The following SMARCAD1 variants were observed in gnomAD, a reference collection of about 807,000 sequenced individuals.
The protein encoded by SMARCAD1 is SNF2 related chromatin remodeling ATPase with DExD box 1, also known as SWI/SNF-related matrix-associated actin-dependent regulator of chromatin subfamily A containing DEAD/H box 1.
A neutral mutation model predicts 127.1 loss-of-function variants in SMARCAD1; 25 were observed. The ratio of observed to expected loss-of-function variants is 0.20; its 90% confidence interval spans 0.14 to 0.27. The LOEUF (loss-of-function observed/expected upper bound fraction) is 0.27. SMARCAD1 is among the 10% of genes least tolerant of loss of function. The pLI is 1.00. For missense variants in SMARCAD1, 807 were observed against 1,206.0 expected (o/e 0.67, Z 4.90); for synonymous variants, 400 against 396.9 (o/e 1.01, Z -0.09).
intron 23 of SMARCAD1, among the ~76,000 whole-genome samples, chr4:94,286,592 G>A (rs911754046): frequency 2.6e-5 from 4 of 152,102 alleles, no homozygotes; most frequent in African/African-American, 9.7e-5. Context: ...TCTGTCTGCT[G>A]TTGTCTTTTT....
At chr4:94,259,220 A>T (rs1469879861) in intron 9 of SMARCAD1, among the ~76,000 whole-genome samples, 3 of 152,206 alleles carry the variant, frequency 2.0e-5, no homozygotes, top group African/African-American at 7.2e-5. Flanking sequence ...GAAGCAACAG[A>T]GTTAGAAGAA....
chr4:94,243,116 T>C (rs1747850428), intron 6 of SMARCAD1, among the ~76,000 whole-genome samples: 1 of 152,056 alleles, frequency 6.6e-6, no homozygotes, highest in Non-Finnish European at 1.5e-5. Flanking sequence ...GCCACCATGC[T>C]CAGTTAATTT....
intron 9 of SMARCAD1, chr4:94,253,693 AT>A (rs1427688449): frequency 1.0e-6 from 1 of 995,132 alleles, no homozygotes; most frequent in Non-Finnish European, 1.2e-6. Flanking sequence ...TTGCATGATC[AT>A]TTTCTGGAAT....
In SMARCAD1 at chr4:94,289,737, A is replaced by C. The variant is rs1198258005; in HGVS notation, c.*203A>C. The C allele has an allele frequency of 6.0e-6, 4 of 671,538 alleles. No individual in the cohort carries two copies. The highest frequency in any genetic ancestry group is 1.8e-5 in the African/African-American group (1 of 56,286). 41.6% of individuals were successfully genotyped at this position (671,538 alleles called of 1,614,324 possible). On this transcript the variant is annotated 3_prime_UTR_variant, in exon 24 of 24. Transcript: ENST00000354268. Reference sequence around the variant, plus strand: ...CGTGAAATTTCAAAAAAGAAGCCACAAATATGTAGTTCTGAAGATGTTGAA... The same window carrying C: ...CGTGAAATTTCAAAAAAGAAGCCACCAATATGTAGTTCTGAAGATGTTGAA...
At chr4:94,276,823 C>G (rs1168601298) in intron 15 of SMARCAD1, among the ~76,000 whole-genome samples, 199 bp from the exon 16 acceptor site, 1 of 152,022 alleles carries the variant, frequency 6.6e-6, no homozygotes, top group Admixed American at 6.5e-5. Flanking sequence ...AAAAGAAGAC[C>G]AATGGTTTTC....
At chr4:94,274,097 G>T (rs1752931643) in intron 12 of SMARCAD1, among the ~76,000 whole-genome samples, 1 of 152,162 alleles carries the variant, frequency 6.6e-6, no homozygotes, top group African/African-American at 2.4e-5. Flanking sequence ...TTCGTTGGAT[G>T]TAGAAGTTAG....
chr4:94,282,169 G>A lies in SMARCAD1; in HGVS notation c.2726+579G>A, dbSNP rs1459422670. Among the ~76,000 whole-genome samples the A allele has an allele frequency of 3.3e-5, 2 of 59,838 alleles. 1 individual carries two copies. Among genetic ancestry groups the A allele is most frequent in the African/African-American group, 1.0e-4 (2 of 19,466 alleles). The allele number at this position is 59,838 out of a possible 152,430, so 39.3% of individuals were successfully genotyped here. A position where few individuals can be genotyped will look rare whatever the true frequency, so the allele number is the denominator to read the frequency against. Reference sequence around the variant, plus strand: ...GGCTGGAGTGCAGTGGCGCGATCTCGGCTCACTGCAAGCTCCGCCTCCTGG... The same window carrying A: ...GGCTGGAGTGCAGTGGCGCGATCTCAGCTCACTGCAAGCTCCGCCTCCTGG... On this transcript the variant is annotated intron_variant, in intron 21 of 23. Coordinates refer to ENST00000354268, the MANE Select transcript of SMARCAD1 (RefSeq NM_020159.5).
At chr4:94,260,375 G>T (rs183407029) in intron 9 of SMARCAD1, among the ~76,000 whole-genome samples, 1 of 151,704 alleles carries the variant, frequency 6.6e-6, no homozygotes, top group Non-Finnish European at 1.5e-5. Context: ...ACAGTCTCTC[G>T]CTCTGTCACT....
At position 94,266,764 on chromosome 4, in the gene SMARCAD1, C is replaced by T. The variant is rs546543117; in HGVS notation, c.1481+1858C>T. 2.2e-4 allele frequency among the ~76,000 whole-genome samples: 34 copies of T among 151,988 alleles called. 1 individual carries two copies. The highest frequency in any genetic ancestry group is 2.2e-3 in the Admixed American group (33 of 15,248). On this transcript the variant is annotated intron_variant, in intron 10 of 23. Transcript: ENST00000354268. ...TCTAAACAGAACAAGTTCTTCATGA[C>T]GAAGTTTACTTTGCTACAAACTGTT...
chr4:94,254,429 TAAATACTTGCCCG>T (rs1374814889), intron 9 of SMARCAD1, among the ~76,000 whole-genome samples: 2 of 152,300 alleles, frequency 1.3e-5, no homozygotes, highest in East Asian at 3.9e-4. Flanking sequence ...TTAGTTGCTG[TAAATACTTGCCCG>T]AATATCTTAT....
At position 94,208,074 on chromosome 4, in the gene SMARCAD1, A is replaced by T. The variant is rs1288916649; in HGVS notation, c.-50+4A>T. 4 of 504,816 alleles carry T rather than the reference A, an allele frequency of 7.9e-6. No individual in the cohort carries two copies. The highest frequency in any genetic ancestry group is 1.5e-5 in the Non-Finnish European group (4 of 260,952). The allele number at this position is 504,816 out of a possible 1,614,324, so 31.3% of individuals were successfully genotyped here. ...GAACGTGCCTGCGCGTGCTTGGGTA[A>T]GAGGAGGTTGCATGAGGGTCAGCTC... On this transcript the variant is annotated splice_donor_region_variant and intron_variant, in intron 1 of 23. Transcript: ENST00000354268.
At chr4:94,248,910 T>C (rs1162729924) in intron 6 of SMARCAD1, among the ~76,000 whole-genome samples, 2 of 152,194 alleles carry the variant, frequency 1.3e-5, no homozygotes, top group African/African-American at 4.8e-5. Flanking sequence ...TTTCTCCATC[T>C]TGTGTGTATA....
At position 94,228,562 on chromosome 4, in the gene SMARCAD1, A is replaced by G. The variant is rs546991518; in HGVS notation, c.368+2266A>G. On this transcript the variant is annotated intron_variant, in intron 3 of 23. Coordinates refer to ENST00000354268, the MANE Select transcript of SMARCAD1 (RefSeq NM_020159.5). ...TAGAGCATTGCTACTCAAAATACTGATTTATAAATAAGGAATATGTCTTAG... is the reference window on the plus strand; with the variant it reads ...TAGAGCATTGCTACTCAAAATACTGGTTTATAAATAAGGAATATGTCTTAG... Among the ~76,000 whole-genome samples the G allele has an allele frequency of 9.2e-5, 14 of 152,188 alleles. 1 individual carries two copies. In the South Asian group the frequency reaches 2.9e-3, roughly 32 times the overall value.
chr4:94,282,872 C>CA (rs1754309265), intron 21 of SMARCAD1, among the ~76,000 whole-genome samples: 1 of 151,942 alleles, frequency 6.6e-6, no homozygotes, highest in African/African-American at 2.4e-5. Context: ...ACAAAATAGT[C>CA]ATTTAGGAAT....
chr4:94,275,866 A>G (rs1394100912), intron 14 of SMARCAD1, among the ~76,000 whole-genome samples: 1 of 142,978 alleles, frequency 7.0e-6, no homozygotes, highest in Non-Finnish European at 1.5e-5. Context: ...GCGCGATCTC[A>G]GCTTACTGCA....
chr4:94,232,499 G>A (rs2125854658), intron 3 of SMARCAD1, among the ~76,000 whole-genome samples: 1 of 152,278 alleles, frequency 6.6e-6, no homozygotes, highest in South Asian at 2.1e-4. Flanking sequence ...AGTACATCAG[G>A]AATGAGAAGT....
At chr4:94,275,074 G>A (rs934550800) in intron 14 of SMARCAD1, 109 bp downstream of exon 14, 12 of 797,766 alleles carry the variant, frequency 1.5e-5, no homozygotes, top group South Asian at 8.6e-5. Flanking sequence ...ACTGTGATAC[G>A]AAAGTAATAG....
Position 94,290,644 on chromosome 4 carries a change from G to A in SMARCAD1, c.*1110G>A, listed in dbSNP as rs183872142. On this transcript the variant is annotated 3_prime_UTR_variant, in exon 24 of 24. Transcript: ENST00000354268. ...AGTGTGAGTGACAAAGTGAAATTTA[G>A]AAGTGAAGTTGTCTATTTGATATTT... 63 of 454,156 alleles carry A rather than the reference G, an allele frequency of 1.4e-4. No individual in the cohort carries two copies. The highest frequency in any genetic ancestry group is 1.3e-4 in the Non-Finnish European group (29 of 226,664). 28.1% of individuals were successfully genotyped at this position (454,156 alleles called of 1,614,324 possible). A position where few individuals can be genotyped will look rare whatever the true frequency, so the allele number is the denominator to read the frequency against.
intron 5 of SMARCAD1, among the ~76,000 whole-genome samples, chr4:94,239,425 G>A (rs542156739): frequency 1.9e-5 from 1 of 53,094 alleles, no homozygotes; most frequent in South Asian, 9.8e-4. Flanking sequence ...TTTTTATGCT[G>A]TTTGTTTTGA....
Sources: allele counts gnomAD v4.1 joint callset (sites outside exome capture counted in the v4.1 genomes callset), GRCh38; gene constraint gnomAD v4.1.1; transcripts MANE v1.5; gene names NCBI Gene and HGNC (gene_info 2026-07-23, HGNC 2026-07-21).